TENM2: variants seen among roughly 807,000 people sequenced by gnomAD.
TENM2 encodes teneurin transmembrane protein 2.
A neutral mutation model predicts 245.2 loss-of-function variants in TENM2; 52 were observed. That is an observed-to-expected ratio of 0.21 (90% CI 0.17 to 0.27). The LOEUF is 0.27. Ranked by LOEUF, TENM2 falls within the 10% of genes least tolerant of loss-of-function variation. The probability of loss-of-function intolerance (pLI) is 1.00; values close to 1 mark genes in which losing one functional copy is unlikely to be tolerated. For missense variants in TENM2, 3,046 were observed against 3,666.8 expected (o/e 0.83, Z 4.37); for synonymous variants, 1,363 against 1,438.9 (o/e 0.95, Z 1.19).
At chr5:167,990,441 G>A (rs1041420841) in intron 4 of TENM2, among the ~76,000 whole-genome samples, 1 of 152,170 alleles carries the variant, frequency 6.6e-6, no homozygotes, top group African/African-American at 2.4e-5. Flanking sequence ...GATTAGTGAT[G>A]CTTTTCCTAC....
At chr5:168,262,249 C>T (rs747443707) in exon 29 of TENM2, 2 of 1,605,824 alleles carry the variant, frequency 1.2e-6, no homozygotes, top group Non-Finnish European at 1.7e-6. Context: ...TGTCCAGCAT[C>T]GCCAGCGAAG....
intron 3 of TENM2, among the ~76,000 whole-genome samples, chr5:167,949,885 C>T (rs1018249965): frequency 2.0e-5 from 3 of 152,150 alleles, no homozygotes; most frequent in Admixed American, 1.3e-4. Flanking sequence ...GATAGATAGA[C>T]AAATGAGCAA....
At chr5:167,553,741 A>G (rs1387977524) in intron 2 of TENM2, among the ~76,000 whole-genome samples, 1 of 152,188 alleles carries the variant, frequency 6.6e-6, no homozygotes, top group Non-Finnish European at 1.5e-5. Context: ...TAGACTATTC[A>G]GCTTTTAGGT....
At chr5:167,051,586 G>A in the TENM2 span, among the ~76,000 whole-genome samples, 3 of 152,126 alleles carry the variant, frequency 2.0e-5, no homozygotes, top group East Asian at 1.9e-4. Context: ...TTCTCTTTGG[G>A]TGAGATCTCC....
At chr5:167,985,468 T>C (rs1294825855) in intron 4 of TENM2, among the ~76,000 whole-genome samples, 1 of 152,234 alleles carries the variant, frequency 6.6e-6, no homozygotes, top group African/African-American at 2.4e-5. Flanking sequence ...TTTTGCTGTA[T>C]TTCAAAAACG....
At chr5:167,204,141 T>C in the TENM2 span, among the ~76,000 whole-genome samples, 1 of 148,450 alleles carries the variant, frequency 6.7e-6, no homozygotes, top group South Asian at 2.2e-4. Flanking sequence ...TGTTAGAGAT[T>C]ATTACAAGGC....
the TENM2 span, among the ~76,000 whole-genome samples, chr5:166,981,745 G>T: frequency 2.0e-5 from 3 of 152,122 alleles, no homozygotes; most frequent in Non-Finnish European, 4.4e-5. Flanking sequence ...TTGATTTAAA[G>T]AACATTTTTT....
the TENM2 span, among the ~76,000 whole-genome samples, chr5:167,178,519 G>A: frequency 2.0e-5 from 3 of 152,090 alleles, no homozygotes; most frequent in Non-Finnish European, 4.4e-5. Flanking sequence ...GAGTTAAGCC[G>A]GAATGTCCTG....
the TENM2 span, among the ~76,000 whole-genome samples, chr5:167,048,036 G>A: frequency 6.6e-6 from 1 of 152,114 alleles, no homozygotes; most frequent in African/African-American, 2.4e-5. Flanking sequence ...CTCTGATATT[G>A]CTATGCTCAG....
the TENM2 span, among the ~76,000 whole-genome samples, chr5:167,094,257 A>G: frequency 3.9e-5 from 6 of 152,092 alleles, no homozygotes; most frequent in South Asian, 2.1e-4. Context: ...GCACGTGTAT[A>G]CTCTCATGAA....
Position 167,353,755 on chromosome 5 carries a change from C to T in TENM2, c.227-21443C>T, listed in dbSNP as rs371339891. 4.8e-4 allele frequency among the ~76,000 whole-genome samples: 73 copies of T among 151,974 alleles called. 1 individual carries two copies. In the South Asian group the frequency reaches 6.8e-3, roughly 14 times the overall value. On this transcript the variant is annotated intron_variant, in intron 1 of 28. Transcript: ENST00000518659. ...ATCTCCTGACCTCGTGATCCGCCCG[C>T]CTCGGCCTCCCAAAGTGCTGGGATT...
intron 13 of TENM2, among the ~76,000 whole-genome samples, chr5:168,175,017 T>C (rs1759226859): frequency 6.6e-6 from 1 of 152,210 alleles, no homozygotes; most frequent in South Asian, 2.1e-4. Flanking sequence ...CTGTGCCATT[T>C]ACTGATGGGG....
intron 2 of TENM2, among the ~76,000 whole-genome samples, chr5:167,765,610 G>A (rs1000245677): frequency 7.2e-5 from 11 of 152,328 alleles, no homozygotes; most frequent in Middle Eastern, 3.4e-3. Context: ...TTTCTAGAGA[G>A]CAAGTTAGAG....
chr5:168,214,815 G>C (rs1763049909), intron 20 of TENM2: 1 of 634,152 alleles, frequency 1.6e-6, no homozygotes, highest in African/African-American at 1.8e-5. Flanking sequence ...AGCATGGTGG[G>C]AAATGAATTT....
the TENM2 span, among the ~76,000 whole-genome samples, chr5:167,054,011 G>C: frequency 5.6e-3 from 851 of 152,144 alleles, 9 homozygotes; most frequent in African/African-American, 0.018. Flanking sequence ...TGGTGCATTT[G>C]TTACAATAGG....
chr5:167,502,617 A>T lies in TENM2; in HGVS notation c.502+127144A>T, dbSNP rs185329652. On this transcript the variant is annotated intron_variant, in intron 2 of 28. Transcript: ENST00000518659. ...GAGTATTTACTTATAATAGGACACT[A>T]CATTTTGCATGGATAAGTTATTTCT... 2.4e-3 allele frequency among the ~76,000 whole-genome samples: 371 copies of T among 152,314 alleles called. 2 individuals are homozygous for T. Among genetic ancestry groups the T allele is most frequent in the African/African-American group, 5.4e-3 (225 of 41,570 alleles).
chr5:168,060,103 T>C (rs1023818376), intron 6 of TENM2, among the ~76,000 whole-genome samples: 5 of 152,058 alleles, frequency 3.3e-5, no homozygotes, highest in African/African-American at 1.2e-4. Flanking sequence ...ATTTAAAAGT[T>C]CATGCTGGGT....
intron 7 of TENM2, among the ~76,000 whole-genome samples, chr5:168,069,428 A>T (rs1289367867): frequency 1.3e-5 from 2 of 152,188 alleles, no homozygotes; most frequent in African/African-American, 4.8e-5. Context: ...TTGTTCTGAG[A>T]CAACAATATT....
At chr5:167,236,488 A>T in the TENM2 span, among the ~76,000 whole-genome samples, 1 of 152,222 alleles carries the variant, frequency 6.6e-6, no homozygotes, top group East Asian at 1.9e-4. Context: ...TATAACAGGA[A>T]GAAAGCTGAG....
Sources: allele counts gnomAD v4.1 joint callset (sites outside exome capture counted in the v4.1 genomes callset), GRCh38; gene constraint gnomAD v4.1.1; transcripts MANE v1.5; gene names NCBI Gene and HGNC (gene_info 2026-07-23, HGNC 2026-07-21).